FRMPD4: variants seen among roughly 807,000 people sequenced by gnomAD.
The protein encoded by FRMPD4 is FERM and PDZ domain containing 4.
In FRMPD4, 22 loss-of-function variants were observed where a neutral mutation model predicts 94.1. The observed-to-expected ratio is 0.23, with a 90% CI of 0.17 to 0.33. FRMPD4 has a LOEUF of 0.33. FRMPD4 is among the 10% of genes least tolerant of loss of function. The probability of loss-of-function intolerance (pLI) is 1.00; values close to 1 mark genes in which losing one functional copy is unlikely to be tolerated. For missense variants in FRMPD4, 1,111 were observed against 1,339.9 expected, an observed-to-expected ratio of 0.83 and a Z score of 2.67; for synonymous variants, 631 against 548.6, an observed-to-expected ratio of 1.15 and a Z score of -2.10.
chrX:12,213,308 G>A (rs72612874), intron 1 of FRMPD4, among the ~76,000 whole-genome samples: 47,237 of 110,927 alleles, frequency 0.43, 7,164 homozygotes, highest in East Asian at 0.46. Context: ...TATCGTTAAT[G>A]CTTTTGAAAA....
intron 4 of FRMPD4, among the ~76,000 whole-genome samples, chrX:12,616,155 T>A (rs1191071674): frequency 1.8e-5 from 2 of 111,482 alleles, no homozygotes; most frequent in Non-Finnish European, 3.8e-5. Context: ...TGATACCCAG[T>A]GTGATTGTAT....
intron 1 of FRMPD4, among the ~76,000 whole-genome samples, chrX:12,256,580 A>G (rs1015260122): frequency 8.9e-6 from 1 of 112,050 alleles, no homozygotes; most frequent in Non-Finnish European, 1.9e-5. Flanking sequence ...TGACCAGGAA[A>G]CAGTAATAGT....
chrX:11,930,868 A>C (rs2147351948), intron 3 of FRMPD4, among the ~76,000 whole-genome samples: 1 of 111,025 alleles, frequency 9.0e-6, no homozygotes, highest in African/African-American at 3.3e-5. Context: ...AGTTATTATC[A>C]GTCTGCTTAT....
At chrX:12,450,508 A>G (rs1359810453) in intron 1 of FRMPD4, among the ~76,000 whole-genome samples, 1 of 111,841 alleles carries the variant, frequency 8.9e-6, no homozygotes, top group East Asian at 2.8e-4. Flanking sequence ...AAGGAAAGAC[A>G]TATGATTTCT....
At chrX:12,643,856 C>T (rs919804155) in intron 4 of FRMPD4, among the ~76,000 whole-genome samples, 1 of 111,885 alleles carries the variant, frequency 8.9e-6, no homozygotes, top group Admixed American at 9.5e-5. Context: ...ACAGCATGGT[C>T]TCCCATTGGA....
intron 1 of FRMPD4, among the ~76,000 whole-genome samples, chrX:11,858,031 T>A (rs977824033): frequency 9.0e-6 from 1 of 111,289 alleles, no homozygotes; most frequent in Non-Finnish European, 1.9e-5. Flanking sequence ...TAAGAATGAC[T>A]ATTATTAAAA....
At chrX:12,426,379 A>G (rs1227232997) in intron 1 of FRMPD4, among the ~76,000 whole-genome samples, 1 of 111,339 alleles carries the variant, frequency 9.0e-6, no homozygotes, top group African/African-American at 3.3e-5. Context: ...GGCCTGAGGG[A>G]TGGTTGAGAG....
In FRMPD4 at chrX:12,724,410, T is replaced by C. The variant is rs2042294815; in HGVS notation, c.*2552T>C. On this transcript the variant is annotated 3_prime_UTR_variant, in exon 17 of 17. Transcript: ENST00000675598. The stretch of plus-strand genomic sequence containing the variant: ...TAGGAAGAACATATTAGAACAATAC[T>C]TGTGCTTATTTTTATCTAGCTTTTT... 1 of 112,434 alleles carries C rather than the reference T, an allele frequency of 8.9e-6. No individual in the cohort carries two copies. The highest frequency in any genetic ancestry group is 1.9e-5 in the Non-Finnish European group (1 of 53,251). The allele number at this position is 112,434 out of a possible 1,213,427, so 9.3% of individuals were successfully genotyped here. A position where few individuals can be genotyped will look rare whatever the true frequency, so the allele number is the denominator to read the frequency against.
chrX:12,443,559 G>A (rs1216579186), intron 1 of FRMPD4, among the ~76,000 whole-genome samples: 5 of 111,597 alleles, frequency 4.5e-5, no homozygotes, highest in East Asian at 2.8e-4. Context: ...AGTAGAGGGC[G>A]TGGGTCTAAG....
At chrX:12,107,686 T>G (rs754342233) in intron 3 of FRMPD4, among the ~76,000 whole-genome samples, 70 of 111,535 alleles carry the variant, frequency 6.3e-4, no homozygotes, top group Non-Finnish European at 1.1e-3. Flanking sequence ...AAAGAGTAGA[T>G]GAATGGCTAA....
chrX:12,498,669 T>C lies in FRMPD4; in HGVS notation c.42-11T>C. On this transcript the variant is annotated splice_polypyrimidine_tract_variant and intron_variant, in intron 1 of 16. Transcript: ENST00000675598. The stretch of plus-strand genomic sequence containing the variant: ...CAGGTGTAATGATGCTTTTTTTTTT[T>C]TCTTTTCCAGCCACAGGACGAAGTC... 1 of 1,059,950 alleles carries C rather than the reference T, an allele frequency of 9.4e-7. No individual in the cohort carries two copies. Among genetic ancestry groups the C allele is most frequent in the Non-Finnish European group, 1.3e-6 (1 of 761,006 alleles). 87.4% of individuals were successfully genotyped at this position (1,059,950 alleles called of 1,213,427 possible).
intron 3 of FRMPD4, among the ~76,000 whole-genome samples, chrX:12,121,119 A>G (rs1476603632): frequency 9.2e-6 from 1 of 109,073 alleles, no homozygotes; most frequent in Non-Finnish European, 1.9e-5. Context: ...TACTAATAAT[A>G]ATTTATAATA....
intron 1 of FRMPD4, among the ~76,000 whole-genome samples, chrX:11,841,688 G>T (rs867047622): frequency 1.3e-4 from 14 of 109,167 alleles, no homozygotes; most frequent in African/African-American, 2.3e-4. Flanking sequence ...TTTCTCCCAT[G>T]TTGTAGGTTG....
At chrX:12,684,029 C>T (rs969274592) in intron 6 of FRMPD4, among the ~76,000 whole-genome samples, 1 of 112,014 alleles carries the variant, frequency 8.9e-6, no homozygotes, top group Admixed American at 9.5e-5. Context: ...CCCAGAAAAG[C>T]CTAATCTTTC....
intron 1 of FRMPD4, among the ~76,000 whole-genome samples, chrX:12,407,160 T>G (rs762285344): frequency 6.3e-5 from 7 of 111,617 alleles, no homozygotes; most frequent in Non-Finnish European, 1.1e-4. Flanking sequence ...CATCTCCCCA[T>G]CTCAAGATTC....
chrX:12,540,275 A>G (rs1482269070), intron 2 of FRMPD4, among the ~76,000 whole-genome samples: 1 of 111,964 alleles, frequency 8.9e-6, no homozygotes, highest in Admixed American at 9.5e-5. Context: ...AAATGCACCA[A>G]TTAAAAGACA....
chrX:12,669,118 CAT>C (rs2059813353), intron 4 of FRMPD4, among the ~76,000 whole-genome samples: 1 of 111,708 alleles, frequency 9.0e-6, no homozygotes, highest in Admixed American at 9.5e-5. Flanking sequence ...CATTATGTTA[CAT>C]GAGATTGTAG....
At chrX:12,435,807 A>G (rs181586525) in intron 1 of FRMPD4, among the ~76,000 whole-genome samples, 1 of 111,850 alleles carries the variant, frequency 8.9e-6, no homozygotes, top group East Asian at 2.8e-4. Flanking sequence ...CTCCAGTAAA[A>G]TCACTAGACC....
At chrX:12,149,483 G>A (rs1177632010) in intron 1 of FRMPD4, among the ~76,000 whole-genome samples, 1 of 111,963 alleles carries the variant, frequency 8.9e-6, no homozygotes, top group East Asian at 2.8e-4. Flanking sequence ...TGCAGATGTT[G>A]TGGAAATAGC....
Sources: gnomAD v4.1 joint callset for allele counts (sites outside exome capture counted in the v4.1 genomes callset) on GRCh38, gnomAD v4.1.1 for gene constraint, MANE v1.5 for transcripts, NCBI Gene and HGNC (gene_info 2026-07-23, HGNC 2026-07-21) for gene names.